RNF115: variants seen among roughly 807,000 people sequenced by gnomAD.
The protein encoded by RNF115 is E3 ubiquitin-protein ligase RNF115.
In RNF115, 31 loss-of-function variants were observed where a neutral mutation model predicts 39.2. The ratio of observed to expected loss-of-function variants is 0.79; its 90% confidence interval spans 0.59 to 1.07. The LOEUF (loss-of-function observed/expected upper bound fraction) is 1.07, where lower values mean the gene tolerates loss of function less well. Ranked by LOEUF, RNF115 falls within the 50% of genes least tolerant of loss-of-function variation. The probability of loss-of-function intolerance (pLI) is 0.00; values close to 1 mark genes in which losing one functional copy is unlikely to be tolerated. For missense variants in RNF115, 384 were observed against 381.7 expected (o/e 1.01, Z -0.05); for synonymous variants, 124 against 131.0 (o/e 0.95, Z 0.37).
intron 4 of RNF115, among the ~76,000 whole-genome samples, chr1:145,764,793 G>A (rs1553714508): frequency 6.6e-6 from 1 of 150,506 alleles, no homozygotes; most frequent in East Asian, 2.0e-4. Flanking sequence ...CCCCATCCGG[G>A]AGGGAGATGG....
chr1:145,791,526 AAG>A (rs1322070427), intron 1 of RNF115, among the ~76,000 whole-genome samples: 1 of 151,780 alleles, frequency 6.6e-6, no homozygotes, highest in Non-Finnish European at 1.5e-5. Flanking sequence ...AAAAAAAAAA[AAG>A]AGAAAGAGAG....
chr1:145,792,073 A>G (rs1225156656), intron 1 of RNF115, among the ~76,000 whole-genome samples: 1 of 151,990 alleles, frequency 6.6e-6, no homozygotes, highest in Admixed American at 6.6e-5. Context: ...GGCACATACC[A>G]TGACCAGCTA....
At chr1:145,792,190 T>C (rs1349495546) in intron 1 of RNF115, among the ~76,000 whole-genome samples, 1 of 152,202 alleles carries the variant, frequency 6.6e-6, no homozygotes, top group African/African-American at 2.4e-5. Flanking sequence ...AGTGCTGGAA[T>C]TACAGGCATG....
At chr1:145,775,382 T>C (rs1647834468) in intron 3 of RNF115, among the ~76,000 whole-genome samples, 1 of 151,548 alleles carries the variant, frequency 6.6e-6, no homozygotes, top group Non-Finnish European at 1.5e-5. Flanking sequence ...TAATAAAAGT[T>C]TTGTGAATGT....
rs1395342187 is a variant in RNF115, at chr1:145,804,583, C to A, written c.103-15617G>T. Among the ~76,000 whole-genome samples the A allele has an allele frequency of 2.0e-5, 3 of 152,034 alleles. No homozygotes were observed. The East Asian group carries it at 5.8e-4, about 29-fold the overall frequency. On this transcript the variant is annotated intron_variant, in intron 1 of 8. Coordinates refer to ENST00000582693, the MANE Select transcript of RNF115 (RefSeq NM_014455.4). Reference sequence around the variant, plus strand: ...CAACCAGTTGTGTGACACTGGGTAGCTCACTTCATCTAAATGAGATAGTAC... The same window carrying A: ...CAACCAGTTGTGTGACACTGGGTAGATCACTTCATCTAAATGAGATAGTAC...
At chr1:145,789,700 CTTT>C (rs67276251) in intron 1 of RNF115, among the ~76,000 whole-genome samples, 4 of 86,764 alleles carry the variant, frequency 4.6e-5, no homozygotes, top group South Asian at 8.6e-4. Context: ...ACCCGGACTT[CTTT>C]TTTTTTTTTT....
chr1:145,802,973 C>A (rs1649313596), intron 1 of RNF115, among the ~76,000 whole-genome samples: 1 of 152,144 alleles, frequency 6.6e-6, no homozygotes, highest in African/African-American at 2.4e-5. Context: ...AAAACAAAGA[C>A]AACAGAACTT....
At chr1:145,794,408 T>G (rs1553719486) in intron 1 of RNF115, among the ~76,000 whole-genome samples, 1 of 151,996 alleles carries the variant, frequency 6.6e-6, no homozygotes, top group Non-Finnish European at 1.5e-5. Context: ...TTTGATTCTT[T>G]GAACTCATCA....
At chr1:145,775,140 G>A (rs1222495990) in intron 3 of RNF115, among the ~76,000 whole-genome samples, 3 of 152,022 alleles carry the variant, frequency 2.0e-5, no homozygotes, top group South Asian at 4.2e-4. Flanking sequence ...CCAGCTACTC[G>A]GGAGGCTGAG....
chr1:145,793,473 C>T (rs1648774885), intron 1 of RNF115, among the ~76,000 whole-genome samples: 1 of 151,478 alleles, frequency 6.6e-6, no homozygotes, highest in Admixed American at 6.6e-5. Flanking sequence ...AGTGCTAGGC[C>T]CTCTTTCTTC....
rs782003531 is a variant in RNF115 at position 145,743,587 on chromosome 1, C to A, written c.*3279G>T. The stretch of plus-strand genomic sequence containing the variant: ...CTGAGGTCTAGAGTTCAAGACCAGC[C>A]TGGCCAACAAGGTAAAACCTTGTCT... On this transcript the variant is annotated 3_prime_UTR_variant, in exon 9 of 9. Transcript: ENST00000582693. The A allele has an allele frequency of 6.6e-6, 1 of 151,862 alleles. No individual in the cohort carries two copies. The highest frequency in any genetic ancestry group is 1.5e-5 in the Non-Finnish European group (1 of 68,014). The allele number at this position is 151,862 out of a possible 1,614,324, so 9.4% of individuals were successfully genotyped here.
intron 2 of RNF115, among the ~76,000 whole-genome samples, chr1:145,788,044 A>C (rs781987978): frequency 5.3e-5 from 8 of 152,258 alleles, no homozygotes; most frequent in African/African-American, 1.7e-4. Flanking sequence ...ACAAACCCAT[A>C]TATTAATATC....
At chr1:145,769,381 G>GT (rs1220249651) in intron 4 of RNF115, among the ~76,000 whole-genome samples, 1 of 152,072 alleles carries the variant, frequency 6.6e-6, no homozygotes, top group East Asian at 1.9e-4. Context: ...TAATTCATAT[G>GT]TTTTTTATAC....
chr1:145,789,251 T>C (rs1648541815), intron 1 of RNF115, among the ~76,000 whole-genome samples: 1 of 151,986 alleles, frequency 6.6e-6, no homozygotes, highest in Admixed American at 6.6e-5. Context: ...CACAGGCACA[T>C]GCCAACATAC....
rs1334689084 is a variant in RNF115 at position 145,739,373 on chromosome 1, A to C, written c.*7493T>G. On this transcript the variant is annotated 3_prime_UTR_variant, in exon 9 of 9. Transcript: ENST00000582693. ...CTGTGCTCCTTGGCAAGGACCTGCC[A>C]AATGTGGGAGCTAAGGTTTGTGGGA... The C allele has an allele frequency of 6.6e-6, 1 of 152,218 alleles. No individual in the cohort carries two copies. Among genetic ancestry groups the C allele is most frequent in the Non-Finnish European group, 1.5e-5 (1 of 68,038 alleles). The allele number at this position is 152,218 out of a possible 1,614,324, so 9.4% of individuals were successfully genotyped here.
At chr1:145,804,064 G>A (rs894954140) in intron 1 of RNF115, among the ~76,000 whole-genome samples, 21 of 152,226 alleles carry the variant, frequency 1.4e-4, no homozygotes, top group African/African-American at 4.6e-4. Context: ...GCTCTGATGT[G>A]TACCACAATA....
At chr1:145,763,279 A>C (rs1571720754) in intron 4 of RNF115, among the ~76,000 whole-genome samples, 1 of 152,228 alleles carries the variant, frequency 6.6e-6, no homozygotes, top group Non-Finnish European at 1.5e-5. Context: ...GAAGTAATGT[A>C]CCCTACACAG....
intron 2 of RNF115, among the ~76,000 whole-genome samples, chr1:145,787,837 C>T (rs993842110): frequency 4.6e-5 from 7 of 151,562 alleles, no homozygotes; most frequent in South Asian, 2.1e-4. Flanking sequence ...TGCAGTGAGC[C>T]GAGATCGAAC....
intron 4 of RNF115, 37 bp from the exon 5 acceptor site, chr1:145,753,086 T>A: frequency 7.4e-7 from 1 of 1,347,040 alleles, no homozygotes; most frequent in Non-Finnish European, 1.1e-6. Flanking sequence ...GACAACAGAC[T>A]AATGAAAAGT....
Sources: allele counts gnomAD v4.1 joint callset (sites outside exome capture counted in the v4.1 genomes callset), GRCh38; gene constraint gnomAD v4.1.1; transcripts MANE v1.5; gene names NCBI Gene and HGNC (gene_info 2026-07-23, HGNC 2026-07-21).